The following CDH11 variants were observed in gnomAD, a reference collection of about 807,000 sequenced individuals.
CDH11 encodes cadherin-11.
Under a neutral mutation model 67.8 loss-of-function variants are expected in CDH11, and 11 were observed. The observed-to-expected ratio is 0.16, with a 90% confidence interval of 0.10 to 0.27. The LOEUF (loss-of-function observed/expected upper bound fraction) is 0.27, where lower values mean the gene tolerates loss of function less well. CDH11 is among the 10% of genes least tolerant of loss of function. The pLI is 1.00. For synonymous variants in CDH11, 419 were observed against 400.0 expected, an observed-to-expected ratio of 1.05 and a Z score of -0.57; for missense variants, 847 against 1,031.2, an observed-to-expected ratio of 0.82 and a Z score of 2.45.
chr16:65,122,387 C>T (rs6498979), upstream of CDH11: 628 of 198,120 alleles, frequency 3.2e-3, 6 homozygotes, highest in African/African-American at 0.014. Flanking sequence ...AGTTGGGCTC[C>T]AGGGACGCAC....
chr16:65,043,786 T>A (rs920545166), intron 2 of CDH11, among the ~76,000 whole-genome samples: 2 of 152,190 alleles, frequency 1.3e-5, no homozygotes, highest in African/African-American at 2.4e-5. Flanking sequence ...TCTGCCTTAA[T>A]TTAGGTTTCT....
chr16:64,988,135 C>G (rs1361807348), intron 7 of CDH11, 22 bp downstream of exon 7: 1 of 1,585,662 alleles, frequency 6.3e-7, no homozygotes, highest in Non-Finnish European at 8.6e-7. Context: ...ACTGACACGT[C>G]TGATTCCTTA....
At chr16:65,045,329 G>GTATATA (rs57695452) in intron 2 of CDH11, among the ~76,000 whole-genome samples, 3,712 of 62,704 alleles carry the variant, frequency 0.059, 664 homozygotes, top group Non-Finnish European at 0.075. Flanking sequence ...TCCCTCAAAA[G>GTATATA]TATATATATA....
In CDH11 at chr16:64,946,035, G is replaced by A. The variant is rs1350872529; in HGVS notation, c.*1568C>T. ...GTTTCAATCCCCAAGAAACTAGCTG[G>A]AATGCAGGGGACTGTAGACACACTC... On this transcript the variant is annotated 3_prime_UTR_variant, in exon 13 of 13. Coordinates refer to ENST00000268603, the MANE Select transcript of CDH11 (RefSeq NM_001797.4). 9.4e-7 allele frequency: 1 copy of A among 1,058,482 alleles called. No homozygotes were observed. Among genetic ancestry groups the A allele is most frequent in the African/African-American group, 1.6e-5 (1 of 60,690 alleles). The allele number at this position is 1,058,482 out of a possible 1,614,324, so 65.6% of individuals were successfully genotyped here.
chr16:65,104,612 A>T (rs2142865977), intron 1 of CDH11, among the ~76,000 whole-genome samples: 1 of 152,306 alleles, frequency 6.6e-6, no homozygotes, highest in Non-Finnish European at 1.5e-5. Context: ...GGGCAGTGGA[A>T]TCTGTTTTGG....
intron 4 of CDH11, among the ~76,000 whole-genome samples, chr16:64,994,809 C>T (rs993744874): frequency 1.3e-5 from 2 of 152,170 alleles, no homozygotes; most frequent in Non-Finnish European, 2.9e-5. Context: ...ACCTAGAAAA[C>T]TCTAAAGACT....
At chr16:65,051,032 A>T (rs2074047478) in intron 2 of CDH11, among the ~76,000 whole-genome samples, 1 of 152,152 alleles carries the variant, frequency 6.6e-6, no homozygotes, top group Non-Finnish European at 1.5e-5. Flanking sequence ...CACAGGAGGG[A>T]TGCACTTCCT....
chr16:65,027,175 A>G (rs1419531017), intron 2 of CDH11, among the ~76,000 whole-genome samples: 1 of 152,218 alleles, frequency 6.6e-6, no homozygotes, highest in Non-Finnish European at 1.5e-5. Context: ...TACTCACACC[A>G]TAAAGGAGGG....
chr16:64,965,697 C>T (rs2071801848), intron 11 of CDH11, among the ~76,000 whole-genome samples: 1 of 151,562 alleles, frequency 6.6e-6, no homozygotes, highest in African/African-American at 2.4e-5. Context: ...TTTTTCAGGT[C>T]CATTATAATC....
intron 12 of CDH11, among the ~76,000 whole-genome samples, chr16:64,950,276 G>C (rs76947072): frequency 6.6e-6 from 1 of 152,088 alleles, no homozygotes; most frequent in Non-Finnish European, 1.5e-5. Flanking sequence ...AATTAGTGGA[G>C]GGGTTAGAGT....
At chr16:65,122,135 G>A (rs866350848), upstream of CDH11, 1,826 of 511,644 alleles carry the variant, frequency 3.6e-3, 16 homozygotes, top group South Asian at 0.012. Context: ...CGGGTGCGGG[G>A]CGGGGGGGGC....
chr16:65,029,367 C>T (rs1005869633), intron 2 of CDH11, among the ~76,000 whole-genome samples: 8 of 152,088 alleles, frequency 5.3e-5, no homozygotes, highest in East Asian at 1.9e-4. Flanking sequence ...GTCGTTTTGT[C>T]GAACATATTT....
At chr16:65,112,166 G>C (rs1441582785) in intron 1 of CDH11, among the ~76,000 whole-genome samples, 1 of 152,056 alleles carries the variant, frequency 6.6e-6, no homozygotes, top group Non-Finnish European at 1.5e-5. Flanking sequence ...ATAACCTTTG[G>C]GGAGATAGTT....
chr16:64,965,692 C>T (rs1306035101), intron 11 of CDH11, among the ~76,000 whole-genome samples: 2 of 151,758 alleles, frequency 1.3e-5, no homozygotes, highest in African/African-American at 4.8e-5. Flanking sequence ...AGGCATTTTT[C>T]AGGTCCATTA....
intron 1 of CDH11, among the ~76,000 whole-genome samples, chr16:65,110,347 T>C (rs2075135197): frequency 6.6e-6 from 1 of 151,880 alleles, no homozygotes; most frequent in Admixed American, 6.6e-5. Flanking sequence ...AACTTTTGGG[T>C]TTCTTAGTTG....
In CDH11 at chr16:64,968,556, G is replaced by A. The variant is rs1394740481; in HGVS notation, c.1642+3023C>T. The A allele has an allele frequency of 1.0e-5, 10 of 985,298 alleles. No individual in the cohort carries two copies. In the Admixed American group the frequency reaches 1.8e-4, roughly 18 times the overall value. The allele number at this position is 985,298 out of a possible 1,614,324, so 61.0% of individuals were successfully genotyped here. A position where few individuals can be genotyped will look rare whatever the true frequency, so the allele number is the denominator to read the frequency against. Reference sequence around the variant, plus strand: ...CTATTTTCCTGCTGCCTGCTGAGTCGGCTTTGAAGCTCGGGCTGCAGAACG... The same window carrying A: ...CTATTTTCCTGCTGCCTGCTGAGTCAGCTTTGAAGCTCGGGCTGCAGAACG... On this transcript the variant is annotated intron_variant, in intron 11 of 12. Coordinates refer to ENST00000268603, the MANE Select transcript of CDH11 (RefSeq NM_001797.4).
upstream of CDH11, among the ~76,000 whole-genome samples, chr16:65,123,170 T>G (rs1014032740): frequency 6.6e-6 from 1 of 151,874 alleles, no homozygotes; most frequent in African/African-American, 2.4e-5. Context: ...GGGAACGGCG[T>G]GGGGATCCGC....
intron 11 of CDH11, among the ~76,000 whole-genome samples, chr16:64,959,127 T>C (rs1158138858): frequency 6.6e-6 from 1 of 152,216 alleles, no homozygotes; most frequent in East Asian, 1.9e-4. Context: ...TACACACCAC[T>C]GTTCTTCCAA....
chr16:65,047,433 C>T (rs1170497660), intron 2 of CDH11, among the ~76,000 whole-genome samples: 1 of 151,720 alleles, frequency 6.6e-6, no homozygotes, highest in Admixed American at 6.6e-5. Context: ...CTCACTGCAA[C>T]CTCCGCCTGC....
Sources: allele counts gnomAD v4.1 joint callset (sites outside exome capture counted in the v4.1 genomes callset), GRCh38; gene constraint gnomAD v4.1.1; transcripts MANE v1.5; gene names NCBI Gene and HGNC (gene_info 2026-07-23, HGNC 2026-07-21).